NAV3: variants seen among roughly 807,000 people sequenced by gnomAD.
NAV3 encodes pore membrane and/or filament interacting like protein 1.
Under a neutral mutation model 244.7 loss-of-function variants are expected in NAV3, and 87 were observed. The ratio of observed to expected loss-of-function variants is 0.36; its 90% CI spans 0.30 to 0.42. The LOEUF is 0.42. Ranked by LOEUF, NAV3 falls within the 20% of genes least tolerant of loss-of-function variation. NAV3 has a pLI of 1.00. For synonymous variants in NAV3, 1,126 were observed against 1,042.2 expected, an observed-to-expected ratio of 1.08 and a Z score of -1.55; for missense variants, 2,663 against 2,893.3, an observed-to-expected ratio of 0.92 and a Z score of 1.83.
At chr12:77,656,284 C>CA (rs914927602) in intron 2 of NAV3, among the ~76,000 whole-genome samples, 8 of 132,482 alleles carry the variant, frequency 6.0e-5, no homozygotes, top group African/African-American at 2.3e-4. Context: ...CAATGGAAAA[C>CA]AAAAAAAGGC....
intron 2 of NAV3, among the ~76,000 whole-genome samples, chr12:77,754,627 G>C (rs1869033475): frequency 6.6e-6 from 1 of 152,152 alleles, no homozygotes; most frequent in Non-Finnish European, 1.5e-5. Context: ...ACAATTTTGT[G>C]TTTCTTGCTG....
intron 2 of NAV3, among the ~76,000 whole-genome samples, chr12:77,586,116 C>T (rs887161819): frequency 1.3e-5 from 2 of 151,894 alleles, no homozygotes; most frequent in South Asian, 2.1e-4. Flanking sequence ...GAGCCGAGAT[C>T]GCGCCACTGC....
intron 2 of NAV3, among the ~76,000 whole-genome samples, chr12:77,756,246 A>G (rs1869172209): frequency 1.3e-5 from 2 of 152,214 alleles, no homozygotes; most frequent in South Asian, 4.1e-4. Context: ...GCAAGTGTTT[A>G]TAGAAATAGG....
At chr12:77,804,987 T>C (rs1010021129) in intron 2 of NAV3, among the ~76,000 whole-genome samples, 8 of 152,204 alleles carry the variant, frequency 5.3e-5, no homozygotes, top group African/African-American at 1.7e-4. Context: ...TATTGGTGTA[T>C]AGAAACGCTT....
At chr12:77,941,869 C>A (rs780625364) in intron 3 of NAV3, among the ~76,000 whole-genome samples, 3 of 152,066 alleles carry the variant, frequency 2.0e-5, no homozygotes, top group Non-Finnish European at 4.4e-5. Context: ...CAGCCGAAAT[C>A]CACAAGATGA....
intron 20 of NAV3, among the ~76,000 whole-genome samples, chr12:78,143,636 A>C (rs1429154860): frequency 6.6e-6 from 1 of 151,858 alleles, no homozygotes; most frequent in East Asian, 1.9e-4. Context: ...GAAAAAAAAA[A>C]AAAAAAAAGG....
At chr12:78,067,009 G>A (rs542219314) in intron 12 of NAV3, among the ~76,000 whole-genome samples, 6 of 152,176 alleles carry the variant, frequency 3.9e-5, no homozygotes, top group East Asian at 1.9e-4. Flanking sequence ...AAATCATGGG[G>A]GCATCAGTTA....
intron 12 of NAV3, among the ~76,000 whole-genome samples, chr12:78,074,274 T>C (rs1226118098): frequency 6.6e-6 from 1 of 152,026 alleles, no homozygotes; most frequent in Admixed American, 6.6e-5. Flanking sequence ...ACACACAGAG[T>C]CTTCAAAAAT....
chr12:77,877,726 A>C (rs756635148), intron 1 of NAV3, among the ~76,000 whole-genome samples: 8 of 152,130 alleles, frequency 5.3e-5, no homozygotes, highest in Non-Finnish European at 1.2e-4. Context: ...CTACTCCTTA[A>C]GTGTGGGCTA....
rs375286071 is a variant in NAV3 at position 77,939,294 on chromosome 12, G to A, written c.244-1025G>A. ...TCTTTGCCTGTCGGCTTTTCTATAT[G>A]TTATACCCACTGCAAGGAAGGTCCT... On this transcript the variant is annotated intron_variant, in intron 1 of 39. Coordinates refer to ENST00000397909, the MANE Select transcript of NAV3 (RefSeq NM_001024383.2). Among the ~76,000 whole-genome samples, 7 of 152,072 alleles carry A rather than the reference G, an allele frequency of 4.6e-5. No homozygotes were observed. In the South Asian group the frequency reaches 1.0e-3, roughly 23 times the overall value.
At chr12:77,924,041 T>G (rs1887959053) in intron 1 of NAV3, among the ~76,000 whole-genome samples, 2 of 152,120 alleles carry the variant, frequency 1.3e-5, no homozygotes, top group South Asian at 4.1e-4. Flanking sequence ...TAATTTAAAT[T>G]AAAACCAGCT....
Position 77,637,158 on chromosome 12 carries a change from T to A in NAV3, c.72+64892T>A, listed in dbSNP as rs544188239. Among the ~76,000 whole-genome samples the A allele has an allele frequency of 1.7e-3, 263 of 151,726 alleles. 2 individuals are homozygous for A. Among genetic ancestry groups the A allele is most frequent in the Non-Finnish European group, 2.9e-3 (198 of 67,908 alleles). On this transcript the variant is annotated intron_variant, in intron 2 of 8. Transcript: ENST00000550042. ...GTATAATAAAAAAAGGAAAAATAAA[T>A]AAATAAGTCTAATAAATGTTTGACT... is the stretch of plus-strand genomic sequence containing the variant.
chr12:77,728,123 G>A (rs74106526), intron 2 of NAV3, among the ~76,000 whole-genome samples: 7,071 of 151,934 alleles, frequency 0.047, 542 homozygotes, highest in African/African-American at 0.16. Flanking sequence ...GCCATGGTGA[G>A]TTTATAAAAA....
At chr12:77,932,278 T>C (rs1288445511) in intron 1 of NAV3, among the ~76,000 whole-genome samples, 1 of 152,162 alleles carries the variant, frequency 6.6e-6, no homozygotes, top group Non-Finnish European at 1.5e-5. Flanking sequence ...TCCTGGCTTT[T>C]GATGGGAGAA....
chr12:78,001,274 T>C (rs1026789093), intron 7 of NAV3, among the ~76,000 whole-genome samples: 11 of 152,174 alleles, frequency 7.2e-5, no homozygotes, highest in African/African-American at 2.7e-4. Context: ...CTTTTAGTTA[T>C]TAAAAATAAG....
At chr12:77,953,283 A>G (rs1421316368) in intron 3 of NAV3, among the ~76,000 whole-genome samples, 1 of 152,168 alleles carries the variant, frequency 6.6e-6, no homozygotes, top group Non-Finnish European at 1.5e-5. Flanking sequence ...TCACAGACAC[A>G]CACAACTCTG....
At chr12:77,739,820 C>G (rs1361821137) in intron 2 of NAV3, among the ~76,000 whole-genome samples, 2 of 152,142 alleles carry the variant, frequency 1.3e-5, no homozygotes, top group African/African-American at 2.4e-5. Flanking sequence ...TTCAGATCCA[C>G]ATGGATAATT....
intron 2 of NAV3, among the ~76,000 whole-genome samples, chr12:77,787,939 C>A (rs2135934651): frequency 6.6e-6 from 1 of 152,200 alleles, no homozygotes; most frequent in East Asian, 1.9e-4. Context: ...ACTATTATTA[C>A]AATGTTTTAT....
chr12:77,725,182 T>A (rs1449936511), intron 2 of NAV3, among the ~76,000 whole-genome samples: 1 of 151,986 alleles, frequency 6.6e-6, no homozygotes, highest in African/African-American at 2.4e-5. Context: ...AAATACAACA[T>A]GCTTCCCAGA....
Sources: gnomAD v4.1 joint callset for allele counts (sites outside exome capture counted in the v4.1 genomes callset) on GRCh38, gnomAD v4.1.1 for gene constraint, MANE v1.5 for transcripts, NCBI Gene and HGNC (gene_info 2026-07-23, HGNC 2026-07-21) for gene names.